Variants in VPS4A observed in about 807,000 individuals in gnomAD.
VPS4A encodes vacuolar protein sorting-associated protein 4A.
VPS4A carries 20 observed loss-of-function variants against 52.3 expected under a neutral mutation model. The observed-to-expected ratio is 0.38, with a 90% confidence interval of 0.27 to 0.56. VPS4A has a LOEUF of 0.56. Ranked by LOEUF, VPS4A falls within the 20% of genes least tolerant of loss-of-function variation. The pLI is 0.72. For synonymous variants in VPS4A, 293 were observed against 227.7 expected, an observed-to-expected ratio of 1.29 and a Z score of -2.58; for missense variants, 419 against 575.9, an observed-to-expected ratio of 0.73 and a Z score of 2.79.
rs1200262696 is a variant in VPS4A, at chr16:69,324,601, ATTAATGCTGCTTGGATT to A, written c.*295_*311del. On this transcript the variant is annotated 3_prime_UTR_variant, in exon 11 of 11. Transcript: ENST00000254950. ...TTTTTTCCATCTTTTGTTCCCCTAAATTAATGCTGCTTGGATTTTCATCTTATTTATAAAGATAAAAT... is the reference window on the plus strand; with the variant it reads ...TTTTTTCCATCTTTTGTTCCCCTAAATTCATCTTATTTATAAAGATAAAAT... 4 of 367,818 alleles carry A rather than the reference ATTAATGCTGCTTGGATT, an allele frequency of 1.1e-5. No homozygotes were observed. 22.8% of individuals were successfully genotyped at this position (367,818 alleles called of 1,614,324 possible). A position where few individuals can be genotyped will look rare whatever the true frequency, so the allele number is the denominator to read the frequency against.
intron 1 of VPS4A, among the ~76,000 whole-genome samples, chr16:69,313,722 G>T (rs960852383): frequency 1.3e-5 from 2 of 152,188 alleles, no homozygotes; most frequent in African/African-American, 4.8e-5. Context: ...TCAAGGTAGA[G>T]TTGAGTCGTT....
rs762685093 is a variant in VPS4A, at chr16:69,318,634, C to T, written c.282-16C>T. On this transcript the variant is annotated splice_polypyrimidine_tract_variant and intron_variant, in intron 3 of 10. Coordinates refer to ENST00000254950, the MANE Select transcript of VPS4A (RefSeq NM_013245.3). ...GGCTGAAGGGCCAGCTTGTGACTTTCCGTCTCCCTTCCCAGCAGTGACAGT... is the reference window on the plus strand; with the variant it reads ...GGCTGAAGGGCCAGCTTGTGACTTTTCGTCTCCCTTCCCAGCAGTGACAGT... The T allele has an allele frequency of 7.5e-6, 12 of 1,598,830 alleles. No homozygotes were observed. In the Admixed American group the frequency reaches 1.9e-4, roughly 26 times the overall value.
chr16:69,315,928 C>T lies in VPS4A; in HGVS notation c.22-80C>T, dbSNP rs764607337. On this transcript the variant is annotated intron_variant, in intron 1 of 10. Coordinates refer to ENST00000254950, the MANE Select transcript of VPS4A (RefSeq NM_013245.3). ...ACAGGCCCAGCGGCATCCCTCGTCA[C>T]GTTTCATCCCCATGCCTGTGACCCC... The T allele has an allele frequency of 5.9e-5, 73 of 1,230,412 alleles. No individual in the cohort carries two copies. The Admixed American group carries it at 7.9e-4, about 13-fold the overall frequency. 76.2% of individuals were successfully genotyped at this position (1,230,412 alleles called of 1,614,324 possible). A position where few individuals can be genotyped will look rare whatever the true frequency, so the allele number is the denominator to read the frequency against.
Position 69,316,034 on chromosome 16 carries a change from C to T in VPS4A, c.48C>T (p.Ala16=), listed in dbSNP as rs751515445. The stretch of plus-strand genomic sequence containing the variant: ...AAGCCATTGATCTGGTGACGAAAGC[C>T]ACAGAGGAGGACAAAGCCAAGAACT... The part of the protein sequence containing the change: ...LQKAIDLVTK[A]TEEDKAKNYE... Residue 16 remains alanine (A), a synonymous_variant, in exon 2 of 11, where the codon GCC becomes GCT. Coordinates refer to ENST00000254950, the MANE Select transcript of VPS4A (RefSeq NM_013245.3). The T allele has an allele frequency of 1.2e-6, 2 of 1,613,450 alleles. No homozygotes were observed. Among genetic ancestry groups the T allele is most frequent in the South Asian group, 2.2e-5 (2 of 91,092 alleles).
intron 1 of VPS4A, 125 bp downstream of exon 1, chr16:69,311,657 G>A: frequency 9.9e-7 from 1 of 1,007,860 alleles, no homozygotes; most frequent in Non-Finnish European, 1.3e-6. Flanking sequence ...ACCCCGCTCC[G>A]GCCGCCCCCT....
chr16:69,324,454 G>A lies in VPS4A; in HGVS notation c.*145G>A. 1.1e-6 allele frequency: 1 copy of A among 887,178 alleles called. No individual in the cohort carries two copies. Among genetic ancestry groups the A allele is most frequent in the South Asian group, 1.6e-5 (1 of 62,340 alleles). The allele number at this position is 887,178 out of a possible 1,614,324, so 55.0% of individuals were successfully genotyped here. A position where few individuals can be genotyped will look rare whatever the true frequency, so the allele number is the denominator to read the frequency against. On this transcript the variant is annotated 3_prime_UTR_variant, in exon 11 of 11. Transcript: ENST00000254950. ...CTGCTGTCTGGCCGTCTGCCAGGGA[G>A]CCAGAAGGAAGGGCCTTGCAGCCAC... is the stretch of plus-strand genomic sequence containing the variant.
Position 69,320,240 on chromosome 16 carries a change from G to A in VPS4A, c.720G>A (p.Glu240=), listed in dbSNP as rs752232919. The stretch of plus-strand genomic sequence containing the variant: ...TCTGCGGGTCCCGAAATGAAAATGA[G>A]AGTGAGGCCGCCCGGAGGATCAAAA... ...DSLCGSRNEN[E]SEAARRIKTE... The change falls in exon 7 of 11, where the codon GAG becomes GAA. Residue 240 remains glutamate (E), a synonymous_variant. Coordinates refer to ENST00000254950, the MANE Select transcript of VPS4A (RefSeq NM_013245.3). This position sits in a 1 kb window ranked among gnomAD's most constrained non-coding sequence, Gnocchi z 4.2. The A allele has an allele frequency of 1.9e-6, 3 of 1,613,924 alleles. No homozygotes were observed. Among genetic ancestry groups the A allele is most frequent in the East Asian group, 4.5e-5 (2 of 44,892 alleles).
rs772415466 is a variant in VPS4A, at chr16:69,319,487, C to T, written c.564C>T (p.Thr188=). ...TGGCAACAGAGGCCAACAACTCCAC[C>T]TTCTTCTCTGTGTCCTCCTCAGATC... ...KAVATEANNS[T]FFSVSSSDLM... The change falls in exon 6 of 11, where the codon ACC becomes ACT. Residue 188 remains threonine (T), a synonymous_variant. Transcript: ENST00000254950. 3.1e-6 allele frequency: 5 copies of T among 1,614,008 alleles called. No homozygotes were observed. Among genetic ancestry groups the T allele is most frequent in the African/African-American group, 2.7e-5 (2 of 75,070 alleles).
chr16:69,314,963 G>A (rs1294370379), intron 1 of VPS4A, among the ~76,000 whole-genome samples: 3 of 152,050 alleles, frequency 2.0e-5, no homozygotes, highest in Non-Finnish European at 4.4e-5. Flanking sequence ...GACCGGTCGC[G>A]GTGGCTCATT....
chr16:69,318,886 A>C lies in VPS4A; in HGVS notation c.407A>C (p.Lys136Thr). The change falls in exon 5 of 11, where the codon AAG (lysine) becomes ACG (threonine). Residue 136 changes from lysine to threonine, a missense_variant. Physicochemically the swap from Lys to Thr is moderately conservative, Grantham distance 78. Around this residue, in one of 3 missense-constraint regions of VPS4A, gnomAD observed 103 missense variants for 210.3 expected, o/e 0.49. Coordinates refer to ENST00000254950, the MANE Select transcript of VPS4A (RefSeq NM_013245.3). Reference protein sequence around the residue: ...WNDVAGLEGAKEALKEAVILP... With the variant: ...WNDVAGLEGATEALKEAVILP... The stretch of plus-strand genomic sequence containing the variant: ...GACGTGGCCGGGCTGGAGGGGGCCA[A>C]GGAGGCCCTCAAAGAAGCTGTCATT... 6.2e-7 allele frequency: 1 copy of C among 1,613,762 alleles called. No individual in the cohort carries two copies. The highest frequency in any genetic ancestry group is 8.5e-7 in the Non-Finnish European group (1 of 1,179,792).
At chr16:69,316,522 C>T in intron 3 of VPS4A, 150 bp downstream of exon 3, 1 of 1,065,858 alleles carries the variant, frequency 9.4e-7, no homozygotes, top group Admixed American at 2.6e-5. Context: ...GGGAGCATGG[C>T]CTGGAGCACT....
rs1227140504 is a variant in VPS4A, at chr16:69,319,369, T to C, written c.464-18T>C. 9 of 1,613,324 alleles carry C rather than the reference T, an allele frequency of 5.6e-6. No individual in the cohort carries two copies. The highest frequency in any genetic ancestry group is 7.6e-6 in the Non-Finnish European group (9 of 1,179,532). On this transcript the variant is annotated intron_variant, in intron 5 of 10. Transcript: ENST00000254950. ...TTCCCCAGTCAGGAGGCCTAACTTCTGTGGTTCTCTGTTGCAGGCAAGCGC... is the reference window on the plus strand; with the variant it reads ...TTCCCCAGTCAGGAGGCCTAACTTCCGTGGTTCTCTGTTGCAGGCAAGCGC...
At chr16:69,323,962 A>AAG (rs1555502922) in intron 10 of VPS4A, among the ~76,000 whole-genome samples, 2 of 151,226 alleles carry the variant, frequency 1.3e-5, no homozygotes, top group African/African-American at 4.8e-5. Flanking sequence ...AAAAAAAAAA[A>AAG]AAAGAAAGCA....
At chr16:69,319,687 C>A in intron 6 of VPS4A, 144 bp downstream of exon 6, 1 of 1,141,468 alleles carries the variant, frequency 8.8e-7, no homozygotes, top group Non-Finnish European at 1.2e-6. Context: ...AGCTTATCGG[C>A]TGGGACACAG....
intron 10 of VPS4A, 58 bp from the exon 11 acceptor site, chr16:69,324,150 G>A: frequency 6.4e-7 from 1 of 1,555,316 alleles, no homozygotes; most frequent in Non-Finnish European, 8.8e-7. Flanking sequence ...GTGTGCTGAG[G>A]GGAGGTTGGG....
At chr16:69,319,049 C>T (rs1321165747) in intron 5 of VPS4A, 107 bp downstream of exon 5, 13 of 1,491,750 alleles carry the variant, frequency 8.7e-6, no homozygotes, top group South Asian at 5.1e-5. Context: ...CCGGGGCCTG[C>T]AGAGGGCCAG....
chr16:69,318,827 C>A lies in VPS4A; in HGVS notation c.348C>A (p.Ala116=). The A allele has an allele frequency of 6.2e-7, 1 of 1,613,070 alleles. No homozygotes were observed. The highest frequency in any genetic ancestry group is 8.5e-7 in the Non-Finnish European group (1 of 1,179,512). ...GGGCCGGCCTCCCTCTCGCAGGTGC[C>A]GTCGTGATGGAGAAGCCCAACATAC... The part of the protein sequence containing the change: ...KKKLQEQLMG[A]VVMEKPNIRW... The change falls in exon 5 of 11, where the codon GCC becomes GCA. Residue 116 remains alanine, a synonymous_variant. Transcript: ENST00000254950.
intron 1 of VPS4A, among the ~76,000 whole-genome samples, chr16:69,315,257 G>A (rs1965422268): frequency 6.6e-6 from 1 of 152,144 alleles, no homozygotes. Flanking sequence ...CTAAGGCACT[G>A]GCCTACAGGA....
rs753353693 is a variant in VPS4A, at chr16:69,324,254, C to T, written c.1259C>T (p.Ala420Val). 1.5e-5 allele frequency: 24 copies of T among 1,613,790 alleles called. No individual in the cohort carries two copies. The highest frequency in any genetic ancestry group is 1.9e-5 in the Non-Finnish European group (22 of 1,179,872). ...GCCACCACCCGGCCCACGGTGAATG[C>T]AGACGACCTCCTGAAAGTGAAGAAA... ...SLATTRPTVN[A>V]DDLLKVKKFS... is the part of the protein sequence containing the mutation. Residue 420 changes from alanine (A) to valine (V), a missense_variant, in exon 11 of 11, where the codon GCA (alanine) becomes GTA (valine). Ala to Val is a moderately conservative substitution (Grantham distance 64). Around this residue, in one of 3 missense-constraint regions of VPS4A, gnomAD observed 185 missense variants for 200.2 expected, o/e 0.92. Transcript: ENST00000254950.
Sources: gnomAD v4.1 joint callset for allele counts (sites outside exome capture counted in the v4.1 genomes callset) on GRCh38, gnomAD v4.1.1 for gene constraint, gnomAD v4.1.1 regional missense constraint, Gnocchi (gnomAD v3.1) non-coding constraint, MANE v1.5 for transcripts, NCBI Gene and HGNC (gene_info 2026-07-23, HGNC 2026-07-21) for gene names.